The following ZNF780A variants were observed in gnomAD, a reference collection of about 807,000 sequenced individuals.
ZNF780A encodes zinc finger protein 780A.
Under a neutral mutation model 56.7 loss-of-function variants are expected in ZNF780A, and 40 were observed. That is an observed-to-expected ratio of 0.71 (90% CI 0.55 to 0.92). ZNF780A has a LOEUF of 0.92. Among genes scored for constraint, ZNF780A ranks in the 40% least tolerant of loss-of-function variants. The probability of loss-of-function intolerance (pLI) is 0.00; values close to 1 mark genes in which losing one functional copy is unlikely to be tolerated. For missense variants in ZNF780A, 672 were observed against 783.3 expected, an observed-to-expected ratio of 0.86 and a Z score of 1.70; for synonymous variants, 231 against 248.3, an observed-to-expected ratio of 0.93 and a Z score of 0.66.
intron 1 of ZNF780A, chr19:40,090,554 G>A (rs1474188274): frequency 1.3e-5 from 2 of 152,294 alleles, no homozygotes; most frequent in Non-Finnish European, 2.9e-5. Context: ...CTCTGCTGCA[G>A]TCCCCGCAGC....
Position 40,074,048 on chromosome 19 carries a change from T to C in ZNF780A, c.*468A>G. ...TCATACCAGTATGAATTCTTTGATGTGCAGTCAGGACCAAACTAAATCTGA... is the reference window on the plus strand; with the variant it reads ...TCATACCAGTATGAATTCTTTGATGCGCAGTCAGGACCAAACTAAATCTGA... On this transcript the variant is annotated 3_prime_UTR_variant, in exon 6 of 6. Transcript: ENST00000683561. The C allele has an allele frequency of 2.4e-6, 3 of 1,226,822 alleles. No homozygotes were observed. The highest frequency in any genetic ancestry group is 3.1e-6 in the Non-Finnish European group (3 of 964,128). 76.0% of individuals were successfully genotyped at this position (1,226,822 alleles called of 1,614,324 possible).
chr19:40,071,800 C>G (rs1402769828), downstream of ZNF780A: 1 of 152,534 alleles, frequency 6.6e-6, no homozygotes, highest in Non-Finnish European at 1.5e-5. Flanking sequence ...CCTAACAGAG[C>G]CTCTGGACTC....
chr19:40,076,268 A>G, intron 5 of ZNF780A, 59 bp from the exon 6 acceptor site: 2 of 1,469,396 alleles, frequency 1.4e-6, no homozygotes, highest in Non-Finnish European at 1.8e-6. Flanking sequence ...ATGCATACAA[A>G]GTCCTTTTGT....
chr19:40,079,850 G>C (rs933090569), intron 5 of ZNF780A, among the ~76,000 whole-genome samples: 1 of 152,078 alleles, frequency 6.6e-6, no homozygotes, highest in African/African-American at 2.4e-5. Flanking sequence ...GAGCAAAGTT[G>C]ATGGCAATAA....
At chr19:40,073,040 A>G (rs935287951), downstream of ZNF780A, 1 of 1,479,842 alleles carries the variant, frequency 6.8e-7, no homozygotes, top group Non-Finnish European at 8.9e-7. Context: ...TTATGGTACA[A>G]TGGCTATATG....
At chr19:40,079,529 A>C (rs1268639237) in intron 5 of ZNF780A, among the ~76,000 whole-genome samples, 1 of 152,186 alleles carries the variant, frequency 6.6e-6, no homozygotes, top group East Asian at 1.9e-4. Flanking sequence ...TCAAATAGCT[A>C]CAAAATACAC....
chr19:40,076,027 T>G lies in ZNF780A; in HGVS notation c.415A>C (p.Asn139His). The G allele has an allele frequency of 6.2e-7, 1 of 1,613,426 alleles. No homozygotes were observed. Among genetic ancestry groups the G allele is most frequent in the Non-Finnish European group, 8.5e-7 (1 of 1,179,808 alleles). ...TTTTCATAGCTGATCATCTTTTGAT[T>G]GATATTTCCTTCTTGATATCCCTGT... ...GLQGYQEGNI[N>H]QKMISYEKLP... Residue 139 changes from asparagine to histidine, a missense_variant, in exon 6 of 6, where the codon AAT becomes CAT. Physicochemically the swap from Asn to His is moderately conservative, Grantham distance 68. Transcript: ENST00000683561.
At chr19:40,081,059 A>C (rs1196744774) in intron 5 of ZNF780A, among the ~76,000 whole-genome samples, 10 of 152,146 alleles carry the variant, frequency 6.6e-5, no homozygotes, top group Admixed American at 6.5e-4. Context: ...ACACTGCAAA[A>C]GCATAGGCGG....
At chr19:40,085,437 T>C in intron 2 of ZNF780A, 5 of 627,956 alleles carry the variant, frequency 8.0e-6, no homozygotes, top group South Asian at 1.5e-4. Flanking sequence ...CAAAACAGGA[T>C]AGATAATATG....
At chr19:40,087,653 C>CA (rs11436019) in intron 2 of ZNF780A, among the ~76,000 whole-genome samples, 14,116 of 151,934 alleles carry the variant, frequency 0.093, 1,172 homozygotes, top group African/African-American at 0.21. Context: ...AGGAAAAAAA[C>CA]AAAAATGCTA....
chr19:40,075,732 T>G lies in ZNF780A; in HGVS notation c.710A>C (p.Asn237Thr). 5 of 1,613,862 alleles carry G rather than the reference T, an allele frequency of 3.1e-6. No homozygotes were observed. Among genetic ancestry groups the G allele is most frequent in the Non-Finnish European group, 4.2e-6 (5 of 1,179,982 alleles). ...ACCTGTGTGAATGTTCTTATGGCGA[T>G]TAAGCAGGGTAAGAAGACTAAAGGC... ...GKAFSLLTLL[N>T]RHKNIHTGEK... Residue 237 changes from asparagine (N) to threonine (T), a missense_variant, in exon 6 of 6, where the codon AAT (asparagine) becomes ACT (threonine). Physicochemically the swap from Asn to Thr is moderately conservative, Grantham distance 65. Transcript: ENST00000683561.
At position 40,075,843 on chromosome 19, in the gene ZNF780A, T is replaced by C; in HGVS notation, c.599A>G (p.Lys200Arg). ...EKPFECKECG[K>R]AFRLHIQFTR... ...AAATTGTATGTGAAGTCGAAAGGCTTTCCCACACTCCTTACATTCAAAGGG... is the reference window on the plus strand; with the variant it reads ...AAATTGTATGTGAAGTCGAAAGGCTCTCCCACACTCCTTACATTCAAAGGG... The change falls in exon 6 of 6, where the codon AAA becomes AGA. Residue 200 changes from lysine (K) to arginine (R), a missense_variant. Coordinates refer to ENST00000683561, the MANE Select transcript of ZNF780A (RefSeq NM_001142578.2). The C allele has an allele frequency of 6.2e-7, 1 of 1,613,956 alleles. No individual in the cohort carries two copies. Among genetic ancestry groups the C allele is most frequent in the Middle Eastern group, 1.6e-4 (1 of 6,062 alleles).
At chr19:40,079,648 G>A (rs533392297) in intron 5 of ZNF780A, among the ~76,000 whole-genome samples, 27 of 152,180 alleles carry the variant, frequency 1.8e-4, no homozygotes, top group African/African-American at 6.0e-4. Flanking sequence ...TCTCAGACAT[G>A]GAATAGAATG....
chr19:40,081,789 C>T (rs1260729003), intron 5 of ZNF780A, 30 bp downstream of exon 5: 9 of 1,570,428 alleles, frequency 5.7e-6, no homozygotes, highest in African/African-American at 1.4e-5. Context: ...ACAATGATGG[C>T]TTCCCCCCGC....
chr19:40,069,645 C>A (rs886876198), downstream of ZNF780A: 1 of 152,030 alleles, frequency 6.6e-6, no homozygotes, highest in Non-Finnish European at 1.5e-5. Flanking sequence ...CATACTGATA[C>A]ACAAAACATG....
At chr19:40,083,324 G>A in intron 3 of ZNF780A, 87 bp from the exon 4 acceptor site, 1 of 1,560,250 alleles carries the variant, frequency 6.4e-7, no homozygotes, top group Non-Finnish European at 8.7e-7. Flanking sequence ...TGTAGTGTAA[G>A]AAAAAAGCAA....
At chr19:40,078,946 T>C (rs1461742715) in intron 5 of ZNF780A, among the ~76,000 whole-genome samples, 1 of 151,974 alleles carries the variant, frequency 6.6e-6, no homozygotes, top group East Asian at 1.9e-4. Context: ...GATACACAAA[T>C]CAACTAGAAA....
In ZNF780A at chr19:40,076,144, G is replaced by A. The variant is rs368123779; in HGVS notation, c.298C>T (p.Pro100Ser). The A allele has an allele frequency of 1.9e-6, 3 of 1,599,586 alleles. No individual in the cohort carries two copies. Among genetic ancestry groups the A allele is most frequent in the Non-Finnish European group, 1.7e-6 (2 of 1,175,960 alleles). ...PENDTSEVNL[P>S]KQVIKQISTT... ...CTTATTTGCTTTATAACCTGTTTGG[G>A]TAAATTTACTTCAGAGGTATCATTT... Residue 100 changes from proline to serine, a missense_variant, in exon 6 of 6, where the codon CCC becomes TCC. Transcript: ENST00000683561.
chr19:40,088,973 G>A (rs1974972111), intron 2 of ZNF780A, among the ~76,000 whole-genome samples: 1 of 152,270 alleles, frequency 6.6e-6, no homozygotes, highest in East Asian at 1.9e-4. Context: ...TAGAAGTGGA[G>A]AGTAGAATCG....
Sources: allele counts gnomAD v4.1 joint callset (sites outside exome capture counted in the v4.1 genomes callset), GRCh38; gene constraint gnomAD v4.1.1; transcripts MANE v1.5; gene names NCBI Gene and HGNC (gene_info 2026-07-23, HGNC 2026-07-21).